The following RAB33B variants were observed in gnomAD, a reference collection of about 807,000 sequenced individuals.
The protein encoded by RAB33B is ras-related protein Rab-33B.
Under a neutral mutation model 15.0 loss-of-function variants are expected in RAB33B, and 6 were observed. The ratio of observed to expected loss-of-function variants is 0.40; its 90% CI spans 0.22 to 0.79. The LOEUF (loss-of-function observed/expected upper bound fraction) is 0.79, where lower values mean the gene tolerates loss of function less well. RAB33B is among the 30% of genes least tolerant of loss of function. The pLI is 0.37. For synonymous variants in RAB33B, 117 were observed against 108.3 expected, an observed-to-expected ratio of 1.08 and a Z score of -0.50; for missense variants, 257 against 296.4, an observed-to-expected ratio of 0.87 and a Z score of 0.98.
chr4:139,441,657 ATAT>A, the RAB33B span, among the ~76,000 whole-genome samples: 3 of 152,244 alleles, frequency 2.0e-5, no homozygotes, highest in Non-Finnish European at 2.9e-5. Context: ...CACTTTTGAC[ATAT>A]TATTTTTAAC....
the RAB33B span, among the ~76,000 whole-genome samples, chr4:139,446,216 C>G: frequency 6.6e-6 from 1 of 152,186 alleles, no homozygotes; most frequent in African/African-American, 2.4e-5. Flanking sequence ...CACCGATGGC[C>G]TCATGGGGAG....
chr4:139,455,501 C>T (rs1750052580), intron 1 of RAB33B, among the ~76,000 whole-genome samples: 1 of 152,122 alleles, frequency 6.6e-6, no homozygotes, highest in Non-Finnish European at 1.5e-5. Context: ...CATCGCCCCC[C>T]ACCCCAACGG....
Position 139,476,573 on chromosome 4 carries a change from G to A in RAB33B, c.*3447G>A, listed in dbSNP as rs1175998299. On this transcript the variant is annotated 3_prime_UTR_variant, in exon 2 of 2. Transcript: ENST00000305626. ...TTTATCAAACATTTATCAAGTATGG[G>A]TCATGTGTTCTCTATTTGTGTTAGT... 6.6e-6 allele frequency: 1 copy of A among 152,192 alleles called. No homozygotes were observed. Among genetic ancestry groups the A allele is most frequent in the African/African-American group, 2.4e-5 (1 of 41,436 alleles). 9.4% of individuals were successfully genotyped at this position (152,192 alleles called of 1,614,324 possible). A position where few individuals can be genotyped will look rare whatever the true frequency, so the allele number is the denominator to read the frequency against.
chr4:139,472,997 T>G lies in RAB33B; in HGVS notation c.561T>G (p.His187Gln). ...TSAKNPNDNDHVEAIFMTLAH... is the reference protein window; with the variant it reads ...TSAKNPNDNDQVEAIFMTLAH... ...CTAAAAACCCCAATGATAATGACCA[T>G]GTGGAAGCTATATTTATGACCTTGG... Residue 187 changes from histidine (H) to glutamine (Q), a missense_variant, in exon 2 of 2, where the codon CAT (histidine) becomes CAG (glutamine). His to Gln is a conservative substitution (Grantham distance 24, BLOSUM62 0). Coordinates refer to ENST00000305626, the MANE Select transcript of RAB33B (RefSeq NM_031296.3). 6.2e-7 allele frequency: 1 copy of G among 1,614,142 alleles called. No homozygotes were observed. The highest frequency in any genetic ancestry group is 8.5e-7 in the Non-Finnish European group (1 of 1,180,024).
chr4:139,474,775 T>C lies in RAB33B; in HGVS notation c.*1649T>C, dbSNP rs1467318284. On this transcript the variant is annotated 3_prime_UTR_variant, in exon 2 of 2. Transcript: ENST00000305626. ...TAGCAAGCTTACATATTAAACTATT[T>C]ACGTAAATGGAATGTAAGCCATGAC... 2.0e-5 allele frequency: 3 copies of C among 152,634 alleles called. No homozygotes were observed. In the East Asian group the frequency reaches 5.8e-4, roughly 29 times the overall value. The allele number at this position is 152,634 out of a possible 1,614,324, so 9.5% of individuals were successfully genotyped here.
chr4:139,453,571 C>T (rs1486141653), upstream of RAB33B: 1 of 152,384 alleles, frequency 6.6e-6, no homozygotes, highest in Non-Finnish European at 1.5e-5. Flanking sequence ...TGAGCGCAGC[C>T]GATGCCACAT....
At chr4:139,444,478 G>A in the RAB33B span, among the ~76,000 whole-genome samples, 112 of 152,122 alleles carry the variant, frequency 7.4e-4, 1 homozygote, top group Admixed American at 4.7e-3. Flanking sequence ...CTATATTACC[G>A]ACAATTTATG....
intron 1 of RAB33B, among the ~76,000 whole-genome samples, chr4:139,465,580 A>C (rs1750268044): frequency 6.6e-6 from 1 of 152,096 alleles, no homozygotes; most frequent in African/African-American, 2.4e-5. Context: ...GGTGTAAGGA[A>C]GGGATCCAGT....
chr4:139,448,021 G>A, the RAB33B span, among the ~76,000 whole-genome samples: 1 of 152,236 alleles, frequency 6.6e-6, no homozygotes, highest in African/African-American at 2.4e-5. Flanking sequence ...TGTTGGCTGG[G>A]GTGATTGACC....
At chr4:139,453,655 C>G (rs896083142), upstream of RAB33B, 1 of 152,226 alleles carries the variant, frequency 6.6e-6, no homozygotes, top group Non-Finnish European at 1.5e-5. Context: ...GGAACCGACC[C>G]GACGCCGGAG....
chr4:139,466,018 C>T (rs1248985150), intron 1 of RAB33B, among the ~76,000 whole-genome samples: 1 of 151,912 alleles, frequency 6.6e-6, no homozygotes, highest in African/African-American at 2.4e-5. Flanking sequence ...GAGACAAGGT[C>T]TCTTTTGGTA....
At chr4:139,458,507 G>A (rs903230483) in intron 1 of RAB33B, among the ~76,000 whole-genome samples, 1 of 152,114 alleles carries the variant, frequency 6.6e-6, no homozygotes, top group Non-Finnish European at 1.5e-5. Context: ...CTTTGTGTCC[G>A]TGCGGTATTT....
chr4:139,443,770 C>G, the RAB33B span, among the ~76,000 whole-genome samples: 2 of 152,154 alleles, frequency 1.3e-5, no homozygotes, highest in Admixed American at 6.5e-5. Context: ...TTCCCCATCC[C>G]GGGTAGCAAG....
the RAB33B span, among the ~76,000 whole-genome samples, chr4:139,446,505 A>C: frequency 6.6e-6 from 1 of 152,230 alleles, no homozygotes; most frequent in East Asian, 1.9e-4. Context: ...ATGGTCAGGG[A>C]CATGGAAGAA....
At chr4:139,458,262 A>T (rs1242368796) in intron 1 of RAB33B, among the ~76,000 whole-genome samples, 1 of 150,498 alleles carries the variant, frequency 6.6e-6, no homozygotes, top group East Asian at 1.9e-4. Context: ...GCAGAGCCAG[A>T]CCCTGTCTCT....
At chr4:139,456,050 G>A (rs1750062941) in intron 1 of RAB33B, among the ~76,000 whole-genome samples, 1 of 152,108 alleles carries the variant, frequency 6.6e-6, no homozygotes, top group Non-Finnish European at 1.5e-5. Context: ...TTTTTCTTCC[G>A]AAAAACTGGG....
chr4:139,448,561 A>C (rs1047552235), upstream of RAB33B: 56 of 152,056 alleles, frequency 3.7e-4, 1 homozygote, highest in African/African-American at 1.3e-3. Flanking sequence ...CAGCCTCCCG[A>C]GTAGCTGGGA....
In RAB33B at chr4:139,474,276, A is replaced by T. The variant is rs1750458447; in HGVS notation, c.*1150A>T. 6.6e-6 allele frequency: 1 copy of T among 152,176 alleles called. No individual in the cohort carries two copies. The highest frequency in any genetic ancestry group is 1.5e-5 in the Non-Finnish European group (1 of 68,040). 9.4% of individuals were successfully genotyped at this position (152,176 alleles called of 1,614,324 possible). On this transcript the variant is annotated 3_prime_UTR_variant, in exon 2 of 2. Coordinates refer to ENST00000305626, the MANE Select transcript of RAB33B (RefSeq NM_031296.3). Reference sequence around the variant, plus strand: ...ATTTTAAGGCAAATAAAGTGACATAAGGTGCTTTATATTTTATTTTGGTAT... The same window carrying T: ...ATTTTAAGGCAAATAAAGTGACATATGGTGCTTTATATTTTATTTTGGTAT...
chr4:139,462,840 A>G (rs1392607540), intron 1 of RAB33B, among the ~76,000 whole-genome samples: 1 of 152,232 alleles, frequency 6.6e-6, no homozygotes, highest in Non-Finnish European at 1.5e-5. Flanking sequence ...GAAGACAAGT[A>G]ACAAATTTTT....
Sources: gnomAD v4.1 joint callset for allele counts (sites outside exome capture counted in the v4.1 genomes callset) on GRCh38, gnomAD v4.1.1 for gene constraint, MANE v1.5 for transcripts, NCBI Gene and HGNC (gene_info 2026-07-23, HGNC 2026-07-21) for gene names.